The following MDN1 variants were observed in gnomAD, a reference collection of about 807,000 sequenced individuals.
MDN1 encodes midasin AAA ATPase 1.
Under a neutral mutation model 669.2 loss-of-function variants are expected in MDN1, and 266 were observed. That is an observed-to-expected ratio of 0.40 (90% CI 0.36 to 0.44). The LOEUF (loss-of-function observed/expected upper bound fraction) is 0.44, where lower values mean the gene tolerates loss of function less well. Ranked by LOEUF, MDN1 falls within the 20% of genes least tolerant of loss-of-function variation. MDN1 has a pLI of 1.00. For missense variants in MDN1, 5,940 were observed against 6,754.0 expected, an observed-to-expected ratio of 0.88 and a Z score of 4.22; for synonymous variants, 2,385 against 2,457.1, an observed-to-expected ratio of 0.97 and a Z score of 0.87.
intron 1 of MDN1, among the ~76,000 whole-genome samples, chr6:89,805,779 A>T (rs1001795855): frequency 2.0e-5 from 3 of 152,188 alleles, no homozygotes; most frequent in Non-Finnish European, 4.4e-5. Context: ...ACCTTGAAAC[A>T]ATTTCTATCA....
intron 8 of MDN1, 51 bp from the exon 9 acceptor site, chr6:89,785,177 C>CAGAGGCACAATTCAGGAT: frequency 8.2e-7 from 1 of 1,220,098 alleles, no homozygotes; most frequent in Non-Finnish European, 1.2e-6. Flanking sequence ...AATTTTAATC[C>CAGAGGCACAATTCAGGAT]TGAATTGTGC....
chr6:89,674,294 G>A lies in MDN1; in HGVS notation c.13057C>T (p.Pro4353Ser). ...QLCGVVLDLI[P>S]SNLSYPSPIP... The stretch of plus-strand genomic sequence containing the variant: ...GGAGATGGGTAGCTCAGATTGGAAG[G>A]AATTAGGTCCAGCACTACTCCACAA... The change falls in exon 79 of 102, where the codon CCT (proline) becomes TCT (serine). Residue 4353 changes from proline to serine, a missense_variant. Pro to Ser is a moderately conservative substitution (Grantham distance 74, BLOSUM62 -1). Transcript: ENST00000369393. 6.2e-7 allele frequency: 1 copy of A among 1,614,268 alleles called. No homozygotes were observed. Among genetic ancestry groups the A allele is most frequent in the Non-Finnish European group, 8.5e-7 (1 of 1,180,044 alleles).
intron 1 of MDN1, among the ~76,000 whole-genome samples, chr6:89,805,197 G>C (rs1346452274): frequency 2.6e-5 from 4 of 152,012 alleles, no homozygotes; most frequent in Non-Finnish European, 1.5e-5. Flanking sequence ...GTTTAAAATG[G>C]GGACATGCCC....
At chr6:89,787,464 T>G (rs944130266) in intron 8 of MDN1, among the ~76,000 whole-genome samples, 3 of 152,184 alleles carry the variant, frequency 2.0e-5, no homozygotes, top group Non-Finnish European at 4.4e-5. Flanking sequence ...TACAAGTCAT[T>G]TCACTTATTC....
At chr6:89,710,514 A>G (rs1361356967) in intron 50 of MDN1, among the ~76,000 whole-genome samples, 167 bp downstream of exon 50, 4 of 151,936 alleles carry the variant, frequency 2.6e-5, no homozygotes, top group African/African-American at 9.7e-5. Context: ...TTAAAAAAAA[A>G]AAAAAGAAAT....
chr6:89,680,512 G>A, intron 74 of MDN1, 77 bp downstream of exon 74: 1 of 1,529,560 alleles, frequency 6.5e-7, no homozygotes, highest in Non-Finnish European at 8.8e-7. Context: ...AAAGGACACA[G>A]TTGCCACATT....
At chr6:89,734,691 A>AACGAGAG (rs1554188774) in intron 33 of MDN1, among the ~76,000 whole-genome samples, 4 of 112,996 alleles carry the variant, frequency 3.5e-5, no homozygotes, top group Non-Finnish European at 6.7e-5. Flanking sequence ...AAAAAAAAAC[A>AACGAGAG]AGAGAGAGAG....
At chr6:89,797,592 T>C in intron 2 of MDN1, 1 of 409,124 alleles carries the variant, frequency 2.4e-6, no homozygotes, top group South Asian at 1.9e-5. Context: ...GCAGTTGGAC[T>C]GATTTGCTGC....
chr6:89,652,793 T>C (rs1399008655), intron 94 of MDN1, among the ~76,000 whole-genome samples, 199 bp downstream of exon 94: 4 of 152,196 alleles, frequency 2.6e-5, no homozygotes, highest in Non-Finnish European at 5.9e-5. Context: ...CTGTGATTAA[T>C]TGCTGGAACA....
intron 15 of MDN1, among the ~76,000 whole-genome samples, chr6:89,763,887 G>A (rs1283323417): frequency 6.6e-6 from 1 of 152,144 alleles, no homozygotes; most frequent in African/African-American, 2.4e-5. Flanking sequence ...TAATACATTA[G>A]TATAGGCATT....
At chr6:89,664,291 A>G (rs936408957) in intron 85 of MDN1, among the ~76,000 whole-genome samples, 196 bp downstream of exon 85, 5 of 152,200 alleles carry the variant, frequency 3.3e-5, no homozygotes, top group African/African-American at 9.6e-5. Flanking sequence ...AGAAGAATCT[A>G]TGAGACACCA....
intron 101 of MDN1, 107 bp downstream of exon 101, chr6:89,644,908 G>A: frequency 8.4e-7 from 1 of 1,192,870 alleles, no homozygotes; most frequent in Non-Finnish European, 1.2e-6. Context: ...TATGAATGCT[G>A]GGAGTTCTCA....
chr6:89,788,014 T>C, intron 7 of MDN1, 57 bp from the exon 8 acceptor site: 4 of 1,438,184 alleles, frequency 2.8e-6, no homozygotes, highest in Non-Finnish European at 2.9e-6. Flanking sequence ...ACAGAAATAA[T>C]CAAAACAAAA....
intron 97 of MDN1, among the ~76,000 whole-genome samples, chr6:89,649,219 C>T (rs1808688834): frequency 6.6e-6 from 1 of 152,182 alleles, no homozygotes; most frequent in Non-Finnish European, 1.5e-5. Flanking sequence ...GAGTGTTCTA[C>T]ATCTATTATT....
chr6:89,790,998 G>C (rs774653724), intron 5 of MDN1, among the ~76,000 whole-genome samples: 1 of 152,070 alleles, frequency 6.6e-6, no homozygotes, highest in Non-Finnish European at 1.5e-5. Context: ...ACTCCAGCTG[G>C]GCAACAAGAG....
intron 6 of MDN1, 89 bp downstream of exon 6, chr6:89,790,070 T>C (rs1029521611): frequency 6.3e-6 from 10 of 1,597,516 alleles, no homozygotes; most frequent in Non-Finnish European, 7.7e-6. Flanking sequence ...GACCAATAAC[T>C]ATTGTTATAT....
At chr6:89,663,493 A>C (rs1809954454) in intron 85 of MDN1, among the ~76,000 whole-genome samples, 1 of 152,244 alleles carries the variant, frequency 6.6e-6, no homozygotes, top group Non-Finnish European at 1.5e-5. Context: ...TATTCATTTT[A>C]GAGTAAGATA....
chr6:89,658,148 G>A (rs541753425), intron 90 of MDN1, 61 bp downstream of exon 90: 9 of 1,588,122 alleles, frequency 5.7e-6, no homozygotes, highest in Admixed American at 1.7e-5. Context: ...ATGTGATGTC[G>A]GACAGGGAGA....
chr6:89,754,022 C>T, intron 21 of MDN1, 61 bp downstream of exon 21: 2 of 1,548,416 alleles, frequency 1.3e-6, no homozygotes, highest in Non-Finnish European at 1.7e-6. Flanking sequence ...CATCCCTATT[C>T]CTTCCTTCCC....
Sources: allele counts gnomAD v4.1 joint callset (sites outside exome capture counted in the v4.1 genomes callset), GRCh38; gene constraint gnomAD v4.1.1; transcripts MANE v1.5; gene names NCBI Gene and HGNC (gene_info 2026-07-23, HGNC 2026-07-21).